MOBP: variants seen among roughly 807,000 people sequenced by gnomAD.
MOBP encodes the protein myelin-associated oligodendrocyte basic protein.
MOBP carries 5 observed loss-of-function variants against 15.0 expected under a neutral mutation model. The ratio of observed to expected loss-of-function variants is 0.33; its 90% CI spans 0.17 to 0.70. The LOEUF (loss-of-function observed/expected upper bound fraction) is 0.70, where lower values mean the gene tolerates loss of function less well. MOBP is among the 30% of genes least tolerant of loss of function. The pLI is 0.67. For missense variants in MOBP, 188 were observed against 257.8 expected (o/e 0.73, Z 1.85); for synonymous variants, 88 against 99.0 (o/e 0.89, Z 0.66).
At chr3:39,509,674 C>T (rs1038061823) in intron 4 of MOBP, among the ~76,000 whole-genome samples, 6 of 152,018 alleles carry the variant, frequency 3.9e-5, no homozygotes, top group Non-Finnish European at 8.8e-5. Flanking sequence ...TTATTTTATT[C>T]ACAGTGTTTT....
At chr3:39,488,175 T>C (rs1334347270) in intron 2 of MOBP, among the ~76,000 whole-genome samples, 2 of 152,308 alleles carry the variant, frequency 1.3e-5, no homozygotes, top group East Asian at 3.9e-4. Flanking sequence ...TCTTCCTGGG[T>C]GTTCTCCTGT....
chr3:39,492,300 C>A, intron 2 of MOBP, among the ~76,000 whole-genome samples: 1 of 152,106 alleles, frequency 6.6e-6, no homozygotes, highest in East Asian at 1.9e-4. Flanking sequence ...GAGGACACCA[C>A]CCAGACCAGC....
At chr3:39,477,380 T>C (rs1336948484) in intron 1 of MOBP, among the ~76,000 whole-genome samples, 2 of 151,710 alleles carry the variant, frequency 1.3e-5, no homozygotes, top group Non-Finnish European at 2.9e-5. Context: ...ATTCGTGTCA[T>C]CTAGTGATGC....
rs373017753 is a variant in MOBP at position 39,468,749 on chromosome 3, T to C, written c.-89+1009T>C. Among the ~76,000 whole-genome samples, 369 of 144,952 alleles carry C rather than the reference T, an allele frequency of 2.5e-3. 11 individuals are homozygous for C. Among genetic ancestry groups the C allele is most frequent in the Non-Finnish European group, 4.5e-3 (296 of 66,040 alleles). ...ATATATACATATGTGTGTGTATATA[T>C]ACATATATACATGTGTGTGTATATA... On this transcript the variant is annotated intron_variant, in intron 1 of 3. Transcript: ENST00000684792.
intron 2 of MOBP, among the ~76,000 whole-genome samples, 199 bp from the exon 3 acceptor site, chr3:39,501,867 A>C (rs867720484): frequency 7.1e-4 from 108 of 152,294 alleles, no homozygotes; most frequent in African/African-American, 2.4e-3. Context: ...AAAATACACA[A>C]ATGAAAATTA....
At chr3:39,475,194 A>G (rs1388575509) in intron 1 of MOBP, among the ~76,000 whole-genome samples, 1 of 152,112 alleles carries the variant, frequency 6.6e-6, no homozygotes, top group East Asian at 1.9e-4. Flanking sequence ...AAGTCTTCTC[A>G]TGATTAGGTT....
intron 2 of MOBP, among the ~76,000 whole-genome samples, chr3:39,489,772 C>T (rs1398675): frequency 0.3 from 45,248 of 151,872 alleles, 9,124 homozygotes; most frequent in African/African-American, 0.57. Context: ...TAAGTTCCTT[C>T]GAGCCGACTG....
intron 1 of MOBP, among the ~76,000 whole-genome samples, chr3:39,475,988 AAAG>A (rs1414143707): frequency 2.6e-5 from 4 of 152,222 alleles, no homozygotes; most frequent in Non-Finnish European, 5.9e-5. Flanking sequence ...TTTATAGAAA[AAAG>A]AAGCTTAGTT....
intron 2 of MOBP, among the ~76,000 whole-genome samples, chr3:39,491,472 T>A (rs1225071105): frequency 6.6e-6 from 1 of 152,204 alleles, no homozygotes; most frequent in Non-Finnish European, 1.5e-5. Context: ...GTACTATTAT[T>A]AGCTATTATT....
chr3:39,515,009 TGTGTG>T (rs1411655701), exon 5 of MOBP: 1 of 102,452 alleles, frequency 9.8e-6, no homozygotes, highest in Non-Finnish European at 2.2e-5. Flanking sequence ...TGTGTGTGTG[TGTGTG>T]TATGTTGGGA....
chr3:39,495,750 CA>C (rs1179926622), intron 2 of MOBP, among the ~76,000 whole-genome samples: 2,146 of 60,102 alleles, frequency 0.036, 11 homozygotes, highest in African/African-American at 0.12. Flanking sequence ...GAGACCTTGT[CA>C]AAAAAAAAAA....
chr3:39,500,178 T>C (rs1353816578), intron 2 of MOBP: 1 of 429,442 alleles, frequency 2.3e-6, no homozygotes, highest in East Asian at 7.1e-5. Context: ...TAGCACATTA[T>C]GTGCATTCTA....
At chr3:39,513,563 C>A in exon 5 of MOBP, 1 of 826,338 alleles carries the variant, frequency 1.2e-6, no homozygotes, top group Non-Finnish European at 1.9e-6. Context: ...TGCTGATGCT[C>A]ATGGTCCCCA....
At chr3:39,501,313 C>T (rs1473865) in intron 2 of MOBP, among the ~76,000 whole-genome samples, 50,230 of 152,068 alleles carry the variant, frequency 0.33, 10,909 homozygotes, top group African/African-American at 0.62. Flanking sequence ...AAGTTGATTC[C>T]TGTTGATTGA....
chr3:39,523,181 T>C (rs1052858674), intron 3 of MOBP, among the ~76,000 whole-genome samples: 7 of 152,216 alleles, frequency 4.6e-5, no homozygotes, highest in Non-Finnish European at 7.4e-5. Context: ...AACAATCAAC[T>C]AATCAAAAAT....
chr3:39,488,980 C>T (rs142954548), intron 2 of MOBP, among the ~76,000 whole-genome samples: 5 of 152,240 alleles, frequency 3.3e-5, no homozygotes, highest in African/African-American at 9.6e-5. Flanking sequence ...ACCTTCCTAT[C>T]CTTCCCATTC....
exon 5 of MOBP, chr3:39,515,818 G>T (rs2043194485): frequency 6.6e-6 from 1 of 152,016 alleles, no homozygotes; most frequent in South Asian, 2.1e-4. Flanking sequence ...CTCTAAGTTT[G>T]GTTGTCTTCA....
chr3:39,495,764 A>AG (rs2042870237), intron 2 of MOBP, among the ~76,000 whole-genome samples: 1 of 150,902 alleles, frequency 6.6e-6, no homozygotes, highest in Admixed American at 6.6e-5. Flanking sequence ...AAAAAAAAAA[A>AG]AAAGAAAAGA....
At chr3:39,500,207 T>C in intron 2 of MOBP, 1 of 398,012 alleles carries the variant, frequency 2.5e-6, no homozygotes, top group Non-Finnish European at 5.1e-6. Flanking sequence ...CTTGCCTGTA[T>C]CTCCCACTGG....
Sources: allele counts gnomAD v4.1 joint callset (sites outside exome capture counted in the v4.1 genomes callset), GRCh38; gene constraint gnomAD v4.1.1; transcripts MANE v1.5; gene names NCBI Gene and HGNC (gene_info 2026-07-23, HGNC 2026-07-21).